Variants in ARHGEF11 observed in about 807,000 individuals in gnomAD.
The protein encoded by ARHGEF11 is Rho guanine nucleotide exchange factor 11, also known as Rho guanine exchange factor (GEF) 11.
A neutral mutation model predicts 193.7 loss-of-function variants in ARHGEF11; 55 were observed. The observed-to-expected ratio is 0.28, with a 90% CI of 0.23 to 0.36. The LOEUF is 0.36. ARHGEF11 is among the 10% of genes least tolerant of loss of function. ARHGEF11 has a pLI of 1.00. For synonymous variants in ARHGEF11, 693 were observed against 768.0 expected, an observed-to-expected ratio of 0.90 and a Z score of 1.62; for missense variants, 1,723 against 2,005.6, an observed-to-expected ratio of 0.86 and a Z score of 2.69.
At chr1:157,009,861 A>G (rs1426395100) in intron 1 of ARHGEF11, among the ~76,000 whole-genome samples, 7 of 152,178 alleles carry the variant, frequency 4.6e-5, no homozygotes, top group Admixed American at 4.6e-4. Context: ...CACACACTCG[A>G]TTCAATATGC....
chr1:156,947,260 G>T, intron 26 of ARHGEF11, 44 bp downstream of exon 26: 2 of 1,567,368 alleles, frequency 1.3e-6, no homozygotes, highest in Non-Finnish European at 8.6e-7. Flanking sequence ...ACAGGAAGCT[G>T]AAGGGCAGCA....
intron 3 of ARHGEF11, among the ~76,000 whole-genome samples, chr1:156,982,182 A>G (rs369025471): frequency 2.0e-5 from 3 of 152,262 alleles, no homozygotes; most frequent in African/African-American, 7.2e-5. Context: ...GTGACTTCTA[A>G]TAACTTAGTG....
chr1:156,991,054 G>C (rs550358435), intron 1 of ARHGEF11, among the ~76,000 whole-genome samples: 19 of 152,096 alleles, frequency 1.2e-4, no homozygotes, highest in Non-Finnish European at 1.6e-4. Context: ...AACACAACAG[G>C]GTTCTTCATC....
intron 4 of ARHGEF11, 96 bp downstream of exon 4, chr1:156,980,341 A>G: frequency 6.9e-7 from 1 of 1,453,574 alleles, no homozygotes; most frequent in Non-Finnish European, 9.4e-7. Flanking sequence ...GGCAGTTGGT[A>G]TCAAGATGAA....
At chr1:156,942,331 C>A (rs1256462448) in intron 33 of ARHGEF11, among the ~76,000 whole-genome samples, 1 of 152,232 alleles carries the variant, frequency 6.6e-6, no homozygotes, top group Non-Finnish European at 1.5e-5. Context: ...CTGTACCATG[C>A]CACCTCTGGC....
At chr1:156,967,840 C>G in intron 11 of ARHGEF11, 147 bp downstream of exon 11, 1 of 959,498 alleles carries the variant, frequency 1.0e-6, no homozygotes, top group Non-Finnish European at 1.6e-6. Context: ...TTACTATTTG[C>G]TCTCTATGTA....
chr1:156,977,401 C>T lies in ARHGEF11; in HGVS notation c.511-347G>A, dbSNP rs536149101. 6.3e-4 allele frequency among the ~76,000 whole-genome samples: 96 copies of T among 152,096 alleles called. 1 individual carries two copies. The highest frequency in any genetic ancestry group is 2.3e-3 in the African/African-American group (94 of 41,518). On this transcript the variant is annotated intron_variant, in intron 6 of 40. Coordinates refer to ENST00000368194, the MANE Select transcript of ARHGEF11 (RefSeq NM_198236.3). The stretch of plus-strand genomic sequence containing the variant: ...GTTTCTTGCTTCTAGAGTTCTCTTT[C>T]TACTTGTTTTTTTGTTTTGTTTTTT...
At chr1:157,033,217 C>T (rs1009606932) in intron 1 of ARHGEF11, among the ~76,000 whole-genome samples, 1 of 152,144 alleles carries the variant, frequency 6.6e-6, no homozygotes, top group African/African-American at 2.4e-5. Context: ...CTCCTCCTCT[C>T]TCCCTCAACC....
At chr1:156,942,925 G>A in intron 32 of ARHGEF11, 145 bp from the exon 33 acceptor site, 1 of 649,920 alleles carries the variant, frequency 1.5e-6, no homozygotes, top group Non-Finnish European at 2.7e-6. Context: ...TGGATCTTCA[G>A]GACCACTTGG....
chr1:156,972,609 C>G (rs1662653907), intron 7 of ARHGEF11, among the ~76,000 whole-genome samples: 1 of 152,188 alleles, frequency 6.6e-6, no homozygotes, highest in Non-Finnish European at 1.5e-5. Context: ...CACATATTAT[C>G]TAGGCTCATC....
intron 32 of ARHGEF11, among the ~76,000 whole-genome samples, chr1:156,943,458 C>A (rs1477851043): frequency 6.6e-6 from 1 of 152,174 alleles, no homozygotes; most frequent in African/African-American, 2.4e-5. Flanking sequence ...GAAAGTGAAT[C>A]CAGAGAATTT....
At chr1:157,040,207 G>C (rs1443409133) in intron 1 of ARHGEF11, among the ~76,000 whole-genome samples, 1 of 152,098 alleles carries the variant, frequency 6.6e-6, no homozygotes. Context: ...TGGGAACAAG[G>C]GTACATTTTG....
intron 1 of ARHGEF11, among the ~76,000 whole-genome samples, chr1:157,033,925 C>T (rs1414748701): frequency 6.6e-6 from 1 of 152,222 alleles, no homozygotes; most frequent in Non-Finnish European, 1.5e-5. Flanking sequence ...TGCTATCATA[C>T]TTACTTCTGT....
chr1:156,960,831 C>T (rs757773605), intron 14 of ARHGEF11, among the ~76,000 whole-genome samples: 7 of 152,176 alleles, frequency 4.6e-5, no homozygotes, highest in East Asian at 3.9e-4. Context: ...CTTTCCCTCC[C>T]GCTCACTCCC....
At chr1:156,969,933 G>T (rs1188283247) in intron 9 of ARHGEF11, 65 bp downstream of exon 9, 7 of 1,532,134 alleles carry the variant, frequency 4.6e-6, no homozygotes, top group Non-Finnish European at 6.3e-6. Flanking sequence ...CCATGGGGAG[G>T]GTAAACAGGT....
Position 156,970,039 on chromosome 1 carries a change from A to T in ARHGEF11, c.707T>A (p.Ile236Lys), listed in dbSNP as rs1397142833. The change falls in exon 9 of 41, where the codon ATA (isoleucine) becomes AAA (lysine). Residue 236 changes from isoleucine to lysine, a missense_variant. Physicochemically the swap from Ile to Lys is moderately radical, Grantham distance 102. This residue lies in a region of ARHGEF11 where 646 missense variants were observed against 710.7 expected (regional missense o/e 0.91). Transcript: ENST00000368194. ...IQQETGGSVDILPLYGDTSQR... is the reference protein window; with the variant it reads ...IQQETGGSVDKLPLYGDTSQR... The stretch of plus-strand genomic sequence containing the variant: ...GCTGGTGTCACCATATAGTGGAAGT[A>T]TGTCCTGAAACAGAAAGGCCCACAG... 1 of 1,613,828 alleles carries T rather than the reference A, an allele frequency of 6.2e-7. No homozygotes were observed. Among genetic ancestry groups the T allele is most frequent in the Non-Finnish European group, 8.5e-7 (1 of 1,179,868 alleles).
At position 157,035,860 on chromosome 1, in the gene ARHGEF11, TATATATAGGA is replaced by T. The variant is rs1193254654; in HGVS notation, c.32+8429_32+8438del. ...ATATATATATGTATATATTTAGGAA[TATATATAGGA>T]ATATATATAGGAATATATATAGGAA... On this transcript the variant is annotated intron_variant, in intron 1 of 40. Transcript: ENST00000368194. Among the ~76,000 whole-genome samples, 870 of 138,636 alleles carry T rather than the reference TATATATAGGA, an allele frequency of 6.3e-3. 94 individuals carry two copies. Among genetic ancestry groups the T allele is most frequent in the Middle Eastern group, 0.019 (5 of 270 alleles). The allele number at this position is 138,636 out of a possible 152,430, so 91.0% of individuals were successfully genotyped here. A position where few individuals can be genotyped will look rare whatever the true frequency, so the allele number is the denominator to read the frequency against.
intron 10 of ARHGEF11, 81 bp downstream of exon 10, chr1:156,969,201 G>A (rs1662169529): frequency 8.6e-7 from 1 of 1,164,608 alleles, no homozygotes; most frequent in South Asian, 1.3e-5. Context: ...CCTCAGTGCA[G>A]CTGGTAGGCA....
intron 36 of ARHGEF11, 42 bp from the exon 37 acceptor site, chr1:156,939,952 C>T (rs1292425231): frequency 1.3e-6 from 2 of 1,587,478 alleles, no homozygotes; most frequent in African/African-American, 1.4e-5. Flanking sequence ...CATGGGACTG[C>T]ACACCACGCC....
Sources: allele counts gnomAD v4.1 joint callset (sites outside exome capture counted in the v4.1 genomes callset), GRCh38; gene constraint gnomAD v4.1.1; regional missense constraint gnomAD v4.1.1; transcripts MANE v1.5; gene names NCBI Gene and HGNC (gene_info 2026-07-23, HGNC 2026-07-21).